Variants in RBFOX1 observed in about 807,000 individuals in gnomAD.
The protein encoded by RBFOX1 is RNA binding fox-1 homolog 1.
A neutral mutation model predicts 57.7 loss-of-function variants in RBFOX1; 8 were observed. The observed-to-expected ratio is 0.14, with a 90% CI of 0.08 to 0.25. The LOEUF (loss-of-function observed/expected upper bound fraction) is 0.25. Among genes scored for constraint, RBFOX1 ranks in the 10% least tolerant of loss-of-function variants. RBFOX1 has a pLI of 1.00. For synonymous variants in RBFOX1, 326 were observed against 222.4 expected (o/e 1.47, Z -4.15); for missense variants, 611 against 548.5 (o/e 1.11, Z -1.14).
intron 14 of RBFOX1, among the ~76,000 whole-genome samples, chr16:7,688,899 C>T (rs752638189): frequency 6.6e-6 from 1 of 151,980 alleles, no homozygotes; most frequent in African/African-American, 2.4e-5. Flanking sequence ...TTAAGTTACT[C>T]CACAGAGACA....
intron 2 of RBFOX1, among the ~76,000 whole-genome samples, chr16:6,442,295 C>G (rs547618606): frequency 1.8e-4 from 27 of 152,298 alleles, no homozygotes; most frequent in African/African-American, 6.5e-4. Flanking sequence ...CGGTGGCTCA[C>G]ACCTGTAATC....
chr16:7,489,418 C>T (rs2066322260), intron 4 of RBFOX1, among the ~76,000 whole-genome samples: 1 of 152,132 alleles, frequency 6.6e-6, no homozygotes, highest in Admixed American at 6.5e-5. Flanking sequence ...GTATTAATCC[C>T]ATTTAATCTT....
chr16:7,143,828 A>G (rs576591856), intron 4 of RBFOX1, among the ~76,000 whole-genome samples: 71 of 152,130 alleles, frequency 4.7e-4, no homozygotes, highest in African/African-American at 1.6e-3. Context: ...TATATCTTAC[A>G]GGTAGTACAA....
At chr16:7,071,111 A>G (rs1481314170) in intron 4 of RBFOX1, among the ~76,000 whole-genome samples, 3 of 152,160 alleles carry the variant, frequency 2.0e-5, no homozygotes, top group African/African-American at 2.4e-5. Flanking sequence ...GGCTTAACAC[A>G]TTACAATTTC....
intron 4 of RBFOX1, among the ~76,000 whole-genome samples, chr16:7,103,080 A>C (rs1311447015): frequency 6.6e-6 from 1 of 152,054 alleles, no homozygotes; most frequent in Admixed American, 6.6e-5. Flanking sequence ...TCAAAAAAAA[A>C]AAATGCAACA....
chr16:7,477,378 G>A (rs2062956558), intron 4 of RBFOX1, among the ~76,000 whole-genome samples: 1 of 152,070 alleles, frequency 6.6e-6, no homozygotes, highest in Non-Finnish European at 1.5e-5. Context: ...CTCCAGTTTG[G>A]GTCTATGAAA....
intron 2 of RBFOX1, among the ~76,000 whole-genome samples, chr16:6,582,663 C>A (rs1299079275): frequency 6.6e-6 from 1 of 151,628 alleles, no homozygotes; most frequent in East Asian, 1.9e-4. Context: ...TTTTTCTCTC[C>A]TTTCTTTTTC....
intron 4 of RBFOX1, among the ~76,000 whole-genome samples, chr16:7,393,041 T>C (rs2098068617): frequency 6.6e-6 from 1 of 152,078 alleles, no homozygotes; most frequent in East Asian, 1.9e-4. Flanking sequence ...ACCTGGCTAA[T>C]TTTTGCATTT....
Position 6,463,276 on chromosome 16 carries a change from C to G in RBFOX1, c.-64+146219C>G, listed in dbSNP as rs1597602615. Among the ~76,000 whole-genome samples, 5 of 152,106 alleles carry G rather than the reference C, an allele frequency of 3.3e-5. No homozygotes were observed. In the South Asian group the frequency reaches 1.0e-3, roughly 32 times the overall value. On this transcript the variant is annotated intron_variant, in intron 2 of 15. Transcript: ENST00000550418. ...TGACAACATTAATTCCATATTCCAC[C>G]CTTTCTGTTAACTCGGATGTGTGCA...
intron 14 of RBFOX1, among the ~76,000 whole-genome samples, chr16:7,690,469 G>A (rs1252954086): frequency 1.3e-5 from 2 of 152,090 alleles, no homozygotes; most frequent in Non-Finnish European, 2.9e-5. Context: ...GAACGACTCA[G>A]CCAGACTTGT....
intron 4 of RBFOX1, among the ~76,000 whole-genome samples, chr16:7,502,082 A>G (rs1269846529): frequency 6.6e-6 from 1 of 151,530 alleles, no homozygotes; most frequent in East Asian, 1.9e-4. Flanking sequence ...ACTATCATTC[A>G]TTTTATGACA....
intron 3 of RBFOX1, among the ~76,000 whole-genome samples, chr16:6,711,925 T>G (rs1016977021): frequency 6.6e-6 from 1 of 152,210 alleles, no homozygotes; most frequent in African/African-American, 2.4e-5. Flanking sequence ...GAAAATTGCC[T>G]TCTCCTACAT....
At position 5,586,730 on chromosome 16, in the gene RBFOX1, G is replaced by A. The variant is rs12325283; in HGVS notation, c.259-12172G>A. On this transcript the variant is annotated intron_variant, in intron 2 of 2. Coordinates refer to the RBFOX1 transcript ENST00000585867. The stretch of plus-strand genomic sequence containing the variant: ...CACAGGCTGGTCTTGAACTCGTGGC[G>A]TCAATGATCTCCCACCTCTGCTTTC... Among the ~76,000 whole-genome samples the A allele has an allele frequency of 7.2e-5, 11 of 152,048 alleles. No individual in the cohort carries two copies. The East Asian group carries it at 1.2e-3, about 16-fold the overall frequency.
At chr16:7,554,910 G>A (rs2087836858) in intron 5 of RBFOX1, among the ~76,000 whole-genome samples, 1 of 152,100 alleles carries the variant, frequency 6.6e-6, no homozygotes, top group South Asian at 2.1e-4. Context: ...TAAATCCAAG[G>A]TGTTGGGACA....
chr16:6,031,478 A>G (rs1394611137), intron 1 of RBFOX1, among the ~76,000 whole-genome samples: 1 of 152,210 alleles, frequency 6.6e-6, no homozygotes, highest in Admixed American at 6.5e-5. Context: ...GTGCGAGAAT[A>G]AGGTACAAGG....
At chr16:5,369,519 C>T (rs528017222) in intron 1 of RBFOX1, among the ~76,000 whole-genome samples, 7 of 152,316 alleles carry the variant, frequency 4.6e-5, no homozygotes, top group Non-Finnish European at 8.8e-5. Flanking sequence ...GGACGTTCTC[C>T]GTGGTACATG....
intron 4 of RBFOX1, among the ~76,000 whole-genome samples, chr16:5,895,809 T>C (rs1030090796): frequency 6.6e-6 from 1 of 152,220 alleles, no homozygotes; most frequent in African/African-American, 2.4e-5. Context: ...TACCTTATAC[T>C]GTTGCTGTTA....
At chr16:7,604,480 T>A (rs1340745987) in intron 9 of RBFOX1, among the ~76,000 whole-genome samples, 2 of 152,204 alleles carry the variant, frequency 1.3e-5, no homozygotes, top group South Asian at 4.1e-4. Flanking sequence ...GATCTCCTGA[T>A]GAAGGAGAGT....
At position 6,503,936 on chromosome 16, in the gene RBFOX1, C is replaced by G. The variant is rs139614382; in HGVS notation, c.-63-150667C>G. Reference sequence around the variant, plus strand: ...GAGGATGTTCCTTAAGCCGGACCTTCATCCCTAAATCATCTTTGGCACTTG... The same window carrying G: ...GAGGATGTTCCTTAAGCCGGACCTTGATCCCTAAATCATCTTTGGCACTTG... On this transcript the variant is annotated intron_variant, in intron 2 of 15. Transcript: ENST00000550418. 2.0e-5 allele frequency among the ~76,000 whole-genome samples: 3 copies of G among 152,358 alleles called. No individual in the cohort carries two copies. The East Asian group carries it at 5.8e-4, about 29-fold the overall frequency.
Sources: allele counts gnomAD v4.1 joint callset (sites outside exome capture counted in the v4.1 genomes callset), GRCh38; gene constraint gnomAD v4.1.1; transcripts MANE v1.5; gene names NCBI Gene and HGNC (gene_info 2026-07-23, HGNC 2026-07-21).